TANC2: variants seen among roughly 807,000 people sequenced by gnomAD.
TANC2 encodes tetratricopeptide repeat, ankyrin repeat and coiled-coil containing 2.
In TANC2, 26 loss-of-function variants were observed where a neutral mutation model predicts 210.5. That is an observed-to-expected ratio of 0.12 (90% CI 0.09 to 0.17). TANC2 has a LOEUF of 0.17. Ranked by LOEUF, TANC2 falls within the 10% of genes least tolerant of loss-of-function variation. The probability of loss-of-function intolerance (pLI) is 1.00; values close to 1 mark genes in which losing one functional copy is unlikely to be tolerated. For missense variants in TANC2, 2,129 were observed against 2,608.9 expected (o/e 0.82, Z 4.01); for synonymous variants, 931 against 967.1 (o/e 0.96, Z 0.69).
At chr17:63,361,444 G>A (rs1379503464) in intron 14 of TANC2, among the ~76,000 whole-genome samples, 2 of 152,244 alleles carry the variant, frequency 1.3e-5, no homozygotes, top group Admixed American at 6.5e-5. Flanking sequence ...TGCTGCAGCA[G>A]GGCAGGCAAC....
At chr17:63,410,659 C>T (rs2048666269) in intron 21 of TANC2, among the ~76,000 whole-genome samples, 1 of 151,752 alleles carries the variant, frequency 6.6e-6, no homozygotes, top group African/African-American at 2.4e-5. Context: ...GTCAGGAGTT[C>T]AAGACCAGCC....
chr17:63,414,519 A>G (rs902538125), intron 25 of TANC2, among the ~76,000 whole-genome samples: 12 of 152,166 alleles, frequency 7.9e-5, no homozygotes, highest in Admixed American at 5.2e-4. Flanking sequence ...CCTAGATGTC[A>G]TATTTATGGA....
intron 1 of TANC2, among the ~76,000 whole-genome samples, chr17:62,985,064 A>G (rs920173616): frequency 6.6e-6 from 1 of 152,198 alleles, no homozygotes; most frequent in Non-Finnish European, 1.5e-5. Context: ...TGTTGAAATC[A>G]GTCTAATGTT....
At chr17:63,194,417 T>C (rs1253403432) in intron 6 of TANC2, among the ~76,000 whole-genome samples, 1 of 152,222 alleles carries the variant, frequency 6.6e-6, no homozygotes, top group Non-Finnish European at 1.5e-5. Flanking sequence ...ATTTGCAGAA[T>C]ATACATTCTT....
chr17:63,314,322 TTCTC>T, intron 9 of TANC2, 62 bp from the exon 10 acceptor site: 1 of 1,568,780 alleles, frequency 6.4e-7, no homozygotes, highest in Non-Finnish European at 8.7e-7. Flanking sequence ...ACTGCATTTT[TTCTC>T]TCTTTGTTTC....
chr17:63,252,376 A>G (rs1416756149), intron 8 of TANC2, among the ~76,000 whole-genome samples: 1 of 152,100 alleles, frequency 6.6e-6, no homozygotes, highest in Non-Finnish European at 1.5e-5. Context: ...AAACGTTCCA[A>G]CTATTCTCTT....
chr17:63,097,592 A>G (rs1365912242), intron 3 of TANC2, among the ~76,000 whole-genome samples: 1 of 150,304 alleles, frequency 6.7e-6, no homozygotes, highest in Non-Finnish European at 1.5e-5. Context: ...AAAAAAAAAA[A>G]GTAATGTTTT....
At chr17:63,256,759 C>G (rs1426154362) in intron 8 of TANC2, among the ~76,000 whole-genome samples, 2 of 151,998 alleles carry the variant, frequency 1.3e-5, no homozygotes, top group Non-Finnish European at 2.9e-5. Flanking sequence ...ATTGGGTGCT[C>G]CAGTGTTAGG....
rs189460174 is a variant in TANC2, at chr17:63,069,675, A to T, written c.68-4268A>T. 1.9e-3 allele frequency among the ~76,000 whole-genome samples: 286 copies of T among 152,276 alleles called. 1 individual carries two copies. The highest frequency in any genetic ancestry group is 3.9e-3 in the South Asian group (19 of 4,822). On this transcript the variant is annotated intron_variant, in intron 2 of 27. Coordinates refer to ENST00000689528, the Ensembl canonical transcript of TANC2. Reference sequence around the variant, plus strand: ...CACATTTCCTGGTAACCTTACTAAAAGTAGAATACAAATTAAACATTCTAA... The same window carrying T: ...CACATTTCCTGGTAACCTTACTAAATGTAGAATACAAATTAAACATTCTAA...
intron 4 of TANC2, among the ~76,000 whole-genome samples, chr17:63,115,188 T>TA (rs2038206892): frequency 6.6e-6 from 1 of 152,180 alleles, no homozygotes; most frequent in African/African-American, 2.4e-5. Context: ...ATATTTGAGT[T>TA]AAAAAACTTA....
intron 9 of TANC2, among the ~76,000 whole-genome samples, chr17:63,304,508 C>T (rs921552506): frequency 4.6e-5 from 7 of 152,128 alleles, no homozygotes; most frequent in Non-Finnish European, 8.8e-5. Context: ...CCAGTAGGAA[C>T]GCTTCTGTAT....
At chr17:63,219,073 A>G (rs1043591072) in intron 7 of TANC2, among the ~76,000 whole-genome samples, 5 of 152,190 alleles carry the variant, frequency 3.3e-5, no homozygotes, top group African/African-American at 1.2e-4. Flanking sequence ...CATGACCTGC[A>G]CAGTGAAAAG....
At position 63,260,491 on chromosome 17, in the gene TANC2, T is replaced by C. The variant is rs549519326; in HGVS notation, c.1034-7257T>C. 1.1e-3 allele frequency among the ~76,000 whole-genome samples: 160 copies of C among 152,358 alleles called. 2 individuals are homozygous for C. Among genetic ancestry groups the C allele is most frequent in the Admixed American group, 0.01 (156 of 15,308 alleles). Reference sequence around the variant, plus strand: ...CTGGTGTTTATACTAGGTGATCTTTTAAGATTTCTCATCTGGGTGCGATGG... The same window carrying C: ...CTGGTGTTTATACTAGGTGATCTTTCAAGATTTCTCATCTGGGTGCGATGG... On this transcript the variant is annotated intron_variant, in intron 8 of 27. Transcript: ENST00000689528.
chr17:62,996,929 T>G (rs2033137358), intron 1 of TANC2, among the ~76,000 whole-genome samples: 2 of 149,176 alleles, frequency 1.3e-5, no homozygotes, highest in Admixed American at 1.3e-4. Context: ...TTCTCTTGCC[T>G]CAGCCTCCCA....
intron 2 of TANC2, among the ~76,000 whole-genome samples, chr17:63,055,984 A>ATATATATAT (rs2035773544): frequency 5.8e-5 from 1 of 17,308 alleles, no homozygotes; most frequent in South Asian, 6.3e-3. Context: ...AAAAAAAAAA[A>ATATATATAT]AAAAAAATAT....
At chr17:62,995,340 G>A (rs552741743) in intron 1 of TANC2, among the ~76,000 whole-genome samples, 1 of 152,202 alleles carries the variant, frequency 6.6e-6, no homozygotes, top group South Asian at 2.1e-4. Flanking sequence ...CCAGAATCGG[G>A]TGGATTGAGA....
intron 12 of TANC2, among the ~76,000 whole-genome samples, chr17:63,349,169 G>A (rs572142738): frequency 6.6e-6 from 1 of 151,968 alleles, no homozygotes; most frequent in East Asian, 1.9e-4. Flanking sequence ...CTTTATTAAG[G>A]GGGAAGGCAA....
At chr17:63,408,052 T>C (rs950245814) in intron 21 of TANC2, among the ~76,000 whole-genome samples, 1 of 152,134 alleles carries the variant, frequency 6.6e-6, no homozygotes, top group African/African-American at 2.4e-5. Context: ...GATGGCAGAG[T>C]TATGCTTTAA....
At chr17:63,395,016 A>G (rs982543402) in intron 17 of TANC2, among the ~76,000 whole-genome samples, 2 of 152,240 alleles carry the variant, frequency 1.3e-5, no homozygotes, top group African/African-American at 4.8e-5. Context: ...TAACTACCGC[A>G]GGACAAGTAC....
Sources: allele counts gnomAD v4.1 joint callset (sites outside exome capture counted in the v4.1 genomes callset), GRCh38; gene constraint gnomAD v4.1.1; transcripts MANE v1.5; gene names NCBI Gene and HGNC (gene_info 2026-07-23, HGNC 2026-07-21).